The following TPD52L1 variants were observed in gnomAD, a reference collection of about 807,000 sequenced individuals.
TPD52L1 encodes TPD52 like 1, also known as tumor protein D53.
In TPD52L1, 18 loss-of-function variants were observed where a neutral mutation model predicts 28.7. That is an observed-to-expected ratio of 0.63 (90% CI 0.43 to 0.93). The LOEUF (loss-of-function observed/expected upper bound fraction) is 0.93. Ranked by LOEUF, TPD52L1 falls within the 40% of genes least tolerant of loss-of-function variation. The pLI is 0.00. For synonymous variants in TPD52L1, 75 were observed against 88.8 expected, an observed-to-expected ratio of 0.84 and a Z score of 0.88; for missense variants, 203 against 254.8, an observed-to-expected ratio of 0.80 and a Z score of 1.39.
intron 2 of TPD52L1, among the ~76,000 whole-genome samples, chr6:125,228,396 T>A (rs924639572): frequency 3.3e-5 from 5 of 152,226 alleles, no homozygotes; most frequent in Non-Finnish European, 7.3e-5. Context: ...TCAATGAAAC[T>A]GTTAAAAAGA....
chr6:125,199,843 A>G (rs567340122), intron 1 of TPD52L1, among the ~76,000 whole-genome samples: 40 of 152,376 alleles, frequency 2.6e-4, no homozygotes, highest in Non-Finnish European at 4.4e-4. Context: ...CAGAAAATAC[A>G]TAAAGATGCT....
At chr6:125,185,635 C>A (rs1792550282) in intron 1 of TPD52L1, among the ~76,000 whole-genome samples, 1 of 151,214 alleles carries the variant, frequency 6.6e-6, no homozygotes, top group South Asian at 2.1e-4. Context: ...AAAGTTGATA[C>A]ATAAGAAACT....
intron 1 of TPD52L1, among the ~76,000 whole-genome samples, chr6:125,204,486 T>TA (rs1201592632): frequency 6.7e-6 from 1 of 149,900 alleles, no homozygotes; most frequent in African/African-American, 2.5e-5. Context: ...ATTTTTTATT[T>TA]TTATTTTTTT....
chr6:125,231,942 C>T (rs548996382), intron 3 of TPD52L1, among the ~76,000 whole-genome samples: 1 of 152,232 alleles, frequency 6.6e-6, no homozygotes, highest in African/African-American at 2.4e-5. Flanking sequence ...GCATCTGACA[C>T]TTTGTAGGCA....
chr6:125,208,100 T>A (rs1265457084), intron 1 of TPD52L1, among the ~76,000 whole-genome samples: 1 of 152,244 alleles, frequency 6.6e-6, no homozygotes, highest in Non-Finnish European at 1.5e-5. Flanking sequence ...AGTTCCTTTG[T>A]CTGAGTTTCA....
chr6:125,211,307 C>CTATCTATCTATCTATCTATCT (rs1554209654), intron 1 of TPD52L1, among the ~76,000 whole-genome samples: 1 of 147,048 alleles, frequency 6.8e-6, no homozygotes, highest in African/African-American at 2.6e-5. Flanking sequence ...ATCTATCTAT[C>CTATCTATCTATCTATCTATCT]GTGTAACACA....
chr6:125,161,258 T>G (rs1456915306), intron 1 of TPD52L1, among the ~76,000 whole-genome samples: 5 of 152,216 alleles, frequency 3.3e-5, no homozygotes, highest in African/African-American at 1.2e-4. Flanking sequence ...TGAAGAGACT[T>G]AGGACCTTCT....
intron 1 of TPD52L1, among the ~76,000 whole-genome samples, chr6:125,198,665 C>T (rs1793598307): frequency 1.3e-5 from 2 of 152,164 alleles, no homozygotes; most frequent in Admixed American, 6.5e-5. Flanking sequence ...TGGCACAGTG[C>T]CTAACACATT....
At chr6:125,170,927 C>A (rs1791260514) in intron 1 of TPD52L1, among the ~76,000 whole-genome samples, 1 of 152,092 alleles carries the variant, frequency 6.6e-6, no homozygotes, top group African/African-American at 2.4e-5. Context: ...TTCCAAACAG[C>A]CCTGAGAGTG....
chr6:125,231,788 C>T lies in TPD52L1; in HGVS notation c.284+2522C>T, dbSNP rs1010082328. On this transcript the variant is annotated intron_variant, in intron 3 of 6. Coordinates refer to ENST00000534000, the MANE Select transcript of TPD52L1 (RefSeq NM_003287.4). ...TTGGGCTACTGAGTGAGTGTTGGAA[C>T]TGTTTACGAGCATTGTGGTTAGGCT... Among the ~76,000 whole-genome samples the T allele has an allele frequency of 2.6e-5, 4 of 152,136 alleles. No homozygotes were observed. The East Asian group carries it at 7.7e-4, about 29-fold the overall frequency.
chr6:125,211,089 T>C (rs918503349), intron 1 of TPD52L1, among the ~76,000 whole-genome samples: 2 of 152,204 alleles, frequency 1.3e-5, no homozygotes, highest in Non-Finnish European at 2.9e-5. Context: ...AAGTATGTAG[T>C]TTTTTATTTA....
At chr6:125,237,329 G>GTGA (rs1431253243) in intron 3 of TPD52L1, among the ~76,000 whole-genome samples, 1 of 152,204 alleles carries the variant, frequency 6.6e-6, no homozygotes, top group African/African-American at 2.4e-5. Flanking sequence ...GCCCCGGTGA[G>GTGA]TGATGATGGC....
intron 6 of TPD52L1, chr6:125,261,978 A>AG (rs1738083571): frequency 1.3e-5 from 2 of 152,242 alleles, no homozygotes; most frequent in Admixed American, 6.5e-5. Flanking sequence ...CACAGGGCTG[A>AG]GGGGGCCTCA....
chr6:125,238,503 C>T (rs943362622), intron 3 of TPD52L1, among the ~76,000 whole-genome samples: 3 of 151,794 alleles, frequency 2.0e-5, no homozygotes, highest in Non-Finnish European at 4.4e-5. Flanking sequence ...ATCCCTCACC[C>T]CCCTCGAACC....
intron 2 of TPD52L1, among the ~76,000 whole-genome samples, chr6:125,224,010 T>G (rs1050404458): frequency 6.6e-6 from 1 of 152,130 alleles, no homozygotes; most frequent in African/African-American, 2.4e-5. Flanking sequence ...ATATTTATTC[T>G]CATTGGTCTT....
At chr6:125,243,559 GT>G (rs1796746068) in intron 3 of TPD52L1, among the ~76,000 whole-genome samples, 1 of 151,824 alleles carries the variant, frequency 6.6e-6, no homozygotes, top group African/African-American at 2.4e-5. Context: ...GACCTCTGAA[GT>G]TTTTTTCTAC....
At chr6:125,197,611 G>A (rs999788736) in intron 1 of TPD52L1, among the ~76,000 whole-genome samples, 1 of 152,016 alleles carries the variant, frequency 6.6e-6, no homozygotes, top group Non-Finnish European at 1.5e-5. Context: ...CAGTCAGAAG[G>A]ATTTTTTTTT....
At chr6:125,255,441 G>A (rs931810930) in intron 5 of TPD52L1, among the ~76,000 whole-genome samples, 6 of 152,074 alleles carry the variant, frequency 3.9e-5, no homozygotes, top group South Asian at 2.1e-4. Context: ...ACAGCATTAC[G>A]GAGGATCACT....
At chr6:125,159,257 A>C (rs1393172263) in intron 1 of TPD52L1, among the ~76,000 whole-genome samples, 1 of 152,246 alleles carries the variant, frequency 6.6e-6, no homozygotes, top group African/African-American at 2.4e-5. Context: ...TTATCGACTA[A>C]ATTTATATAA....
Sources: allele counts gnomAD v4.1 joint callset (sites outside exome capture counted in the v4.1 genomes callset), GRCh38; gene constraint gnomAD v4.1.1; transcripts MANE v1.5; gene names NCBI Gene and HGNC (gene_info 2026-07-23, HGNC 2026-07-21).